The following ZFC3H1 variants were observed in gnomAD, a reference collection of about 807,000 sequenced individuals.
ZFC3H1 encodes zinc finger C3H1-type containing.
ZFC3H1 carries 71 observed loss-of-function variants against 243.7 expected under a neutral mutation model. That is an observed-to-expected ratio of 0.29 (90% confidence interval 0.24 to 0.36). The LOEUF (loss-of-function observed/expected upper bound fraction) is 0.36, where lower values mean the gene tolerates loss of function less well. Ranked by LOEUF, ZFC3H1 falls within the 10% of genes least tolerant of loss-of-function variation. The pLI is 1.00. For synonymous variants in ZFC3H1, 838 were observed against 813.0 expected (o/e 1.03, Z -0.52); for missense variants, 1,966 against 2,317.1 (o/e 0.85, Z 3.11).
At chr12:71,612,793 G>C (rs1879804161) in intron 31 of ZFC3H1, among the ~76,000 whole-genome samples, 1 of 152,138 alleles carries the variant, frequency 6.6e-6, no homozygotes, top group African/African-American at 2.4e-5. Flanking sequence ...GATGAAAGTG[G>C]ATTTGCTGTA....
At position 71,656,871 on chromosome 12, in the gene ZFC3H1, T is replaced by C. The variant is rs1486043657; in HGVS notation, c.1015+14A>G. ...AGAAGAGTCATTACTAACTGAAATA[T>C]TTAATTCCATTACCTTGACTAGAAT... On this transcript the variant is annotated intron_variant, in intron 2 of 34. Coordinates refer to ENST00000378743, the MANE Select transcript of ZFC3H1 (RefSeq NM_144982.5). 4 of 1,592,556 alleles carry C rather than the reference T, an allele frequency of 2.5e-6. No individual in the cohort carries two copies. Among genetic ancestry groups the C allele is most frequent in the African/African-American group, 1.4e-5 (1 of 73,754 alleles).
At chr12:71,643,311 A>G (rs1880646104) in intron 5 of ZFC3H1, among the ~76,000 whole-genome samples, 1 of 151,826 alleles carries the variant, frequency 6.6e-6, no homozygotes, top group South Asian at 2.1e-4. Context: ...TACTCGGGAG[A>G]CTGGGGCAGG....
chr12:71,652,019 A>G (rs1193890535), intron 2 of ZFC3H1, among the ~76,000 whole-genome samples: 1 of 152,242 alleles, frequency 6.6e-6, no homozygotes, highest in Non-Finnish European at 1.5e-5. Context: ...GATCACCTCC[A>G]ATAAGAAGCA....
chr12:71,636,805 G>T, intron 8 of ZFC3H1, 45 bp downstream of exon 8: 1 of 1,602,464 alleles, frequency 6.2e-7, no homozygotes, highest in Non-Finnish European at 8.5e-7. Context: ...CTACCGTAAA[G>T]CTAAGCTCAA....
intron 2 of ZFC3H1, among the ~76,000 whole-genome samples, chr12:71,654,715 A>G (rs1880973426): frequency 6.6e-6 from 1 of 152,150 alleles, no homozygotes; most frequent in Non-Finnish European, 1.5e-5. Context: ...ATAAAACCAA[A>G]TGTCAATAAT....
Position 71,644,994 on chromosome 12 carries a change from G to C in ZFC3H1, c.1162C>G (p.Gln388Glu), listed in dbSNP as rs765359787. 6.2e-7 allele frequency: 1 copy of C among 1,613,664 alleles called. No homozygotes were observed. The highest frequency in any genetic ancestry group is 8.5e-7 in the Non-Finnish European group (1 of 1,179,982). Residue 388 changes from glutamine (Q) to glutamate (E), a missense_variant, in exon 4 of 35, where the codon CAA becomes GAA. This residue lies in a region of ZFC3H1 where 91 missense variants were observed against 107.6 expected (regional missense o/e 0.85). Transcript: ENST00000378743. ...TCTTTCATCACCTGCTGTTCTTTTT[G>C]TTGCCATTTTTTACTGGCTGACTGA... ...ALQSASKKWQ[Q>E]KEQQVMKESK...
chr12:71,626,615 C>T (rs112415871), intron 21 of ZFC3H1, among the ~76,000 whole-genome samples, 169 bp from the exon 22 acceptor site: 8,840 of 152,196 alleles, frequency 0.058, 357 homozygotes, highest in South Asian at 0.087. Context: ...AAATCACATG[C>T]CTAAAAGTTT....
At chr12:71,623,743 T>C (rs111423576) in intron 23 of ZFC3H1, 146 bp from the exon 24 acceptor site, 2 of 638,746 alleles carry the variant, frequency 3.1e-6, no homozygotes, top group East Asian at 5.8e-5. Context: ...TAAAATCTAA[T>C]AAGACAAAGA....
At chr12:71,640,887 G>A (rs764214968) in intron 6 of ZFC3H1, among the ~76,000 whole-genome samples, 1 of 151,438 alleles carries the variant, frequency 6.6e-6, no homozygotes, top group Non-Finnish European at 1.5e-5. Context: ...CCCGCCCGGC[G>A]AAAAACTCTA....
intron 27 of ZFC3H1, among the ~76,000 whole-genome samples, chr12:71,618,030 C>G (rs1223500030): frequency 6.6e-6 from 1 of 152,010 alleles, no homozygotes; most frequent in Non-Finnish European, 1.5e-5. Flanking sequence ...TTTGGGAGGC[C>G]AAGGCAGGCG....
chr12:71,614,787 C>T (rs764020790), intron 29 of ZFC3H1, 47 bp downstream of exon 29: 22 of 1,595,130 alleles, frequency 1.4e-5, no homozygotes, highest in Non-Finnish European at 1.8e-5. Flanking sequence ...CCCGATCATA[C>T]CCCTTTATCC....
In ZFC3H1 at chr12:71,656,973, A is replaced by C. The variant is rs750231311; in HGVS notation, c.927T>G (p.Thr309=). Residue 309 remains threonine, a synonymous_variant, in exon 2 of 35, where the codon ACT becomes ACG. Transcript: ENST00000378743. ...TCAAACGGTTCTTATCTCCTGGTAA[A>C]GTCAATTTTTGCCTGAGTGGTTTTA... ...FELKPLRQKL[T]LPGDKNRLKK... 6.2e-7 allele frequency: 1 copy of C among 1,613,880 alleles called. No individual in the cohort carries two copies. Among genetic ancestry groups the C allele is most frequent in the Non-Finnish European group, 8.5e-7 (1 of 1,179,908 alleles).
chr12:71,641,915 C>T (rs544631708), intron 6 of ZFC3H1, among the ~76,000 whole-genome samples: 4 of 152,196 alleles, frequency 2.6e-5, no homozygotes, highest in Admixed American at 6.5e-5. Flanking sequence ...AGTGGTACGA[C>T]GTCAGCTCAC....
chr12:71,616,419 T>G (rs1879895695), intron 27 of ZFC3H1, among the ~76,000 whole-genome samples: 1 of 152,224 alleles, frequency 6.6e-6, no homozygotes, highest in African/African-American at 2.4e-5. Context: ...TATAACACAT[T>G]AGCCTGTAAG....
At chr12:71,632,591 T>A in intron 14 of ZFC3H1, 77 bp from the exon 15 acceptor site, 1 of 1,458,224 alleles carries the variant, frequency 6.9e-7, no homozygotes, top group Non-Finnish European at 9.1e-7. Flanking sequence ...AATTGTGCTA[T>A]CCCCACCATA....
At chr12:71,634,604 A>G in intron 11 of ZFC3H1, 100 bp downstream of exon 11, 1 of 1,332,444 alleles carries the variant, frequency 7.5e-7, no homozygotes, top group Non-Finnish European at 1.0e-6. Flanking sequence ...TATCTTGGAT[A>G]AAACTATCAT....
Position 71,663,294 on chromosome 12 carries a change from G to A in ZFC3H1, c.317C>T (p.Pro106Leu), listed in dbSNP as rs774902980. ...GHLRGPSSYR[P>L]KEPFRSHPPS... is the part of the protein sequence containing the mutation. ...CGGATGAGACCGGAACGGTTCTTTG[G>A]GTCGGTAGCTGCTGGGTCCCCTGAG... Residue 106 changes from proline (P) to leucine (L), a missense_variant, in exon 1 of 35, where the codon CCC (proline) becomes CTC (leucine). Pro to Leu is a moderately conservative substitution (Grantham distance 98). Transcript: ENST00000378743. The A allele has an allele frequency of 3.5e-5, 57 of 1,613,360 alleles. No homozygotes were observed. Among genetic ancestry groups the A allele is most frequent in the Admixed American group, 1.8e-4 (11 of 60,016 alleles).
At position 71,632,490 on chromosome 12, in the gene ZFC3H1, T is replaced by C; in HGVS notation, c.2842A>G (p.Ser948Gly). ...FGPNKMMRLD[S>G]SPVSSPRKHS... Reference sequence around the variant, plus strand: ...TTTCTTGGACTTGATACTGGAGAACTGTCCAGTCTCATCATTTTGTTTGGC... The same window carrying C: ...TTTCTTGGACTTGATACTGGAGAACCGTCCAGTCTCATCATTTTGTTTGGC... The change falls in exon 15 of 35, where the codon AGT (serine) becomes GGT (glycine). Residue 948 changes from serine (S) to glycine (G), a missense_variant. Physicochemically the swap from Ser to Gly is moderately conservative, Grantham distance 56. This residue lies in a region of ZFC3H1 where 1,383 missense variants were observed against 1,723.7 expected (regional missense o/e 0.80). Transcript: ENST00000378743. The C allele has an allele frequency of 6.4e-7, 1 of 1,568,862 alleles. No individual in the cohort carries two copies. Among genetic ancestry groups the C allele is most frequent in the Non-Finnish European group, 8.6e-7 (1 of 1,168,566 alleles).
At position 71,623,224 on chromosome 12, in the gene ZFC3H1, T is replaced by C; in HGVS notation, c.4744+136A>G. 3 of 738,826 alleles carry C rather than the reference T, an allele frequency of 4.1e-6. No homozygotes were observed. In the East Asian group the frequency reaches 8.7e-5, roughly 21 times the overall value. 45.8% of individuals were successfully genotyped at this position (738,826 alleles called of 1,614,324 possible). On this transcript the variant is annotated intron_variant, in intron 24 of 34. Transcript: ENST00000378743. The stretch of plus-strand genomic sequence containing the variant: ...TCAAGACTTAATTTGCCTAATAAAT[T>C]GTGAAACTAAAACTTGCAATATAGA...
Sources: gnomAD v4.1 joint callset for allele counts (sites outside exome capture counted in the v4.1 genomes callset) on GRCh38, gnomAD v4.1.1 for gene constraint, gnomAD v4.1.1 regional missense constraint, MANE v1.5 for transcripts, NCBI Gene and HGNC (gene_info 2026-07-23, HGNC 2026-07-21) for gene names.